Variants in GRIA3 observed in about 807,000 individuals in gnomAD.
GRIA3 encodes the protein glutamate ionotropic receptor AMPA type subunit 3.
A neutral mutation model predicts 63.0 loss-of-function variants in GRIA3; 3 were observed. That is an observed-to-expected ratio of 0.05 (90% CI 0.02 to 0.12). The LOEUF is 0.12. Ranked by LOEUF, GRIA3 falls within the 10% of genes least tolerant of loss-of-function variation. The pLI, the probability that GRIA3 is intolerant of heterozygous loss-of-function variation, is 1.00. For synonymous variants in GRIA3, 274 were observed against 257.9 expected, an observed-to-expected ratio of 1.06 and a Z score of -0.60; for missense variants, 347 against 700.9, an observed-to-expected ratio of 0.50 and a Z score of 5.70.
At chrX:123,265,566 G>A (rs969812950) in intron 3 of GRIA3, among the ~76,000 whole-genome samples, 3 of 112,020 alleles carry the variant, frequency 2.7e-5, no homozygotes, top group Admixed American at 9.5e-5. Flanking sequence ...AAGAGGAAGA[G>A]GAAGAGGAGA....
intron 3 of GRIA3, among the ~76,000 whole-genome samples, chrX:123,316,698 C>T (rs2044833745): frequency 8.9e-6 from 1 of 112,145 alleles, no homozygotes; most frequent in Non-Finnish European, 1.9e-5. Flanking sequence ...ATCATTAAAA[C>T]TCATGTTTGA....
chrX:123,404,547 A>G (rs1268492877), intron 9 of GRIA3, among the ~76,000 whole-genome samples, 161 bp from the exon 10 acceptor site: 1 of 110,085 alleles, frequency 9.1e-6, no homozygotes, highest in Non-Finnish European at 1.9e-5. Flanking sequence ...AAGTGACCCA[A>G]TGAATACTCA....
chrX:123,488,337 A>G (rs1289884872), intron 15 of GRIA3, among the ~76,000 whole-genome samples: 1 of 112,771 alleles, frequency 8.9e-6, no homozygotes, highest in Non-Finnish European at 1.9e-5. Context: ...TCAGTAAGCC[A>G]TAGAACACTG....
At chrX:123,480,440 G>C (rs1229095780) in intron 14 of GRIA3, among the ~76,000 whole-genome samples, 2 of 111,692 alleles carry the variant, frequency 1.8e-5, no homozygotes, top group African/African-American at 3.3e-5. Context: ...AAAATAATGA[G>C]CTGTGTTATA....
At chrX:123,444,130 A>G (rs1318580719) in intron 12 of GRIA3, among the ~76,000 whole-genome samples, 1 of 111,039 alleles carries the variant, frequency 9.0e-6, no homozygotes, top group Non-Finnish European at 1.9e-5. Flanking sequence ...GATCTCTCCT[A>G]CTATCATGTT....
chrX:123,334,354 C>T (rs931818765), intron 4 of GRIA3, among the ~76,000 whole-genome samples: 25 of 111,321 alleles, frequency 2.2e-4, no homozygotes, highest in Admixed American at 1.2e-3. Context: ...TTATCTTCAG[C>T]TTATTAAAAA....
At chrX:123,463,647 A>G (rs865993810) in intron 12 of GRIA3, among the ~76,000 whole-genome samples, 1 of 50,230 alleles carries the variant, frequency 2.0e-5, no homozygotes, top group African/African-American at 1.1e-4. Context: ...AAAGAAAGAA[A>G]GAAAGAAAGA....
chrX:123,323,402 G>A lies in GRIA3; in HGVS notation c.509-2624G>A, dbSNP rs775751324. Among the ~76,000 whole-genome samples the A allele has an allele frequency of 6.3e-5, 7 of 111,723 alleles. 1 individual carries two copies. Among genetic ancestry groups the A allele is most frequent in the Non-Finnish European group, 7.5e-5 (4 of 53,125 alleles). On this transcript the variant is annotated intron_variant, in intron 3 of 15. Coordinates refer to ENST00000620443, the MANE Select transcript of GRIA3 (RefSeq NM_007325.5). ...TAAACAATAGCATAGTATTCTATGCGTATTTACTATAATTTCTTTATGCAG... is the reference window on the plus strand; with the variant it reads ...TAAACAATAGCATAGTATTCTATGCATATTTACTATAATTTCTTTATGCAG...
intron 6 of GRIA3, among the ~76,000 whole-genome samples, chrX:123,396,361 T>C (rs2045413878): frequency 9.0e-6 from 1 of 110,580 alleles, no homozygotes; most frequent in Non-Finnish European, 1.9e-5. Context: ...AATCTTACTT[T>C]ATGCAATTGG....
intron 12 of GRIA3, among the ~76,000 whole-genome samples, chrX:123,430,330 TTC>T (rs1273441085): frequency 1.8e-5 from 2 of 111,795 alleles, no homozygotes; most frequent in African/African-American, 3.3e-5. Context: ...ATGCCACTTT[TTC>T]TGTTTCCCCA....
intron 2 of GRIA3, among the ~76,000 whole-genome samples, chrX:123,211,289 A>G (rs1025285547): frequency 8.9e-6 from 1 of 111,820 alleles, no homozygotes; most frequent in African/African-American, 3.2e-5. Context: ...AGGGCAAAAG[A>G]CTGGCTATAA....
At chrX:123,436,309 G>GGTT (rs1556324065) in intron 12 of GRIA3, among the ~76,000 whole-genome samples, 9 of 111,279 alleles carry the variant, frequency 8.1e-5, no homozygotes, top group African/African-American at 3.0e-4. Context: ...TTTGTTTTTT[G>GGTT]TTTTTGTTTG....
chrX:123,425,282 C>G (rs1035241800), intron 11 of GRIA3, among the ~76,000 whole-genome samples: 1 of 111,677 alleles, frequency 9.0e-6, no homozygotes, highest in Non-Finnish European at 1.9e-5. Context: ...TATTCTGCCT[C>G]TCTGTGCCTC....
chrX:123,318,442 C>T (rs1394978429), intron 3 of GRIA3, among the ~76,000 whole-genome samples: 2 of 112,125 alleles, frequency 1.8e-5, no homozygotes, highest in African/African-American at 3.2e-5. Context: ...CTTTTAACAG[C>T]ACCCAAGTTT....
chrX:123,192,716 G>A (rs1927470855), intron 2 of GRIA3, among the ~76,000 whole-genome samples: 1 of 111,609 alleles, frequency 9.0e-6, no homozygotes, highest in Admixed American at 9.5e-5. Flanking sequence ...GAGGGTGCAG[G>A]GGAGCAAGGA....
At chrX:123,417,312 T>G (rs922046153) in intron 10 of GRIA3, 90 bp from the exon 11 acceptor site, 8 of 772,124 alleles carry the variant, frequency 1.0e-5, no homozygotes, top group Non-Finnish European at 1.6e-5. Flanking sequence ...ACTTGATATT[T>G]TCACCAAAGA....
In GRIA3 at chrX:123,326,187, G is replaced by A. The variant is rs757586471; in HGVS notation, c.670G>A (p.Glu224Lys). 5.8e-6 allele frequency: 7 copies of A among 1,208,961 alleles called. No homozygotes were observed. Among genetic ancestry groups the A allele is most frequent in the East Asian group, 3.0e-5 (1 of 33,822 alleles). Residue 224 changes from glutamate (E) to lysine (K), a missense_variant, in exon 4 of 16, where the codon GAA becomes AAA. Coordinates refer to ENST00000620443, the MANE Select transcript of GRIA3 (RefSeq NM_007325.5). ...EKRYLIDCEV[E>K]RINTILEQVV... Reference sequence around the variant, plus strand: ...GCGATACTTGATTGACTGCGAAGTCGAAAGGATTAACACAATTTTGGAACA... The same window carrying A: ...GCGATACTTGATTGACTGCGAAGTCAAAAGGATTAACACAATTTTGGAACA...
intron 5 of GRIA3, among the ~76,000 whole-genome samples, chrX:123,381,803 A>C (rs1456797517): frequency 8.9e-6 from 1 of 112,432 alleles, no homozygotes; most frequent in African/African-American, 3.2e-5. Flanking sequence ...AAAAGGTATC[A>C]GAAAAAGAAA....
chrX:123,228,381 A>G lies in GRIA3; in HGVS notation c.269-24922A>G, dbSNP rs905342994. The stretch of plus-strand genomic sequence containing the variant: ...TTCCAGGGTTTCTGGGAGGGCCTCA[A>G]AGATCCAAGGGAGCATTTCCAACCA... On this transcript the variant is annotated intron_variant, in intron 2 of 15. Transcript: ENST00000620443. Among the ~76,000 whole-genome samples the G allele has an allele frequency of 7.2e-5, 8 of 111,124 alleles. 1 individual carries two copies. Among genetic ancestry groups the G allele is most frequent in the African/African-American group, 2.6e-4 (8 of 30,565 alleles).
Sources: gnomAD v4.1 joint callset for allele counts (sites outside exome capture counted in the v4.1 genomes callset) on GRCh38, gnomAD v4.1.1 for gene constraint, MANE v1.5 for transcripts, NCBI Gene and HGNC (gene_info 2026-07-23, HGNC 2026-07-21) for gene names.